Variants in ANKS1A observed in about 807,000 individuals in gnomAD.
ANKS1A encodes ankyrin repeat and SAM domain-containing protein 1A.
In ANKS1A, 55 loss-of-function variants were observed where a neutral mutation model predicts 120.3. That is an observed-to-expected ratio of 0.46 (90% CI 0.37 to 0.57). The LOEUF is 0.57. Among genes scored for constraint, ANKS1A ranks in the 20% least tolerant of loss-of-function variants. The pLI, the probability that ANKS1A is intolerant of heterozygous loss-of-function variation, is 0.00. For synonymous variants in ANKS1A, 590 were observed against 604.7 expected (o/e 0.98, Z 0.36); for missense variants, 1,123 against 1,480.3 (o/e 0.76, Z 3.96).
chr6:35,067,564 A>G (rs1306047598), intron 13 of ANKS1A, among the ~76,000 whole-genome samples: 1 of 152,204 alleles, frequency 6.6e-6, no homozygotes, highest in Non-Finnish European at 1.5e-5. Flanking sequence ...GTGTTGATAA[A>G]TACAGTGAAA....
At chr6:34,905,007 C>T (rs1019881611) in intron 1 of ANKS1A, among the ~76,000 whole-genome samples, 6 of 152,174 alleles carry the variant, frequency 3.9e-5, no homozygotes, top group South Asian at 4.1e-4. Flanking sequence ...CACAGGGTTT[C>T]GCCATGTTGG....
At chr6:34,902,236 T>A (rs1767383300) in intron 1 of ANKS1A, among the ~76,000 whole-genome samples, 1 of 152,098 alleles carries the variant, frequency 6.6e-6, no homozygotes, top group Non-Finnish European at 1.5e-5. Context: ...GGTTTAAGTT[T>A]TTCTTTTTTG....
At chr6:35,052,870 A>G (rs1776039122) in intron 11 of ANKS1A, among the ~76,000 whole-genome samples, 1 of 152,104 alleles carries the variant, frequency 6.6e-6, no homozygotes, top group South Asian at 2.1e-4. Context: ...AGTTTGCTGC[A>G]GGGGTCAGAT....
rs558274058 is a variant in ANKS1A at position 35,077,184 on chromosome 6, C to T, written c.2185-1374C>T. Among the ~76,000 whole-genome samples, 16 of 152,276 alleles carry T rather than the reference C, an allele frequency of 1.1e-4. No individual in the cohort carries two copies. In the South Asian group the frequency reaches 3.1e-3, roughly 30 times the overall value. ...AAAGAGCTGTCAGTGTTAAGGCACG[C>T]ACCCTTGATTCAAGTAAGCAGAAAC... On this transcript the variant is annotated intron_variant, in intron 13 of 23. Transcript: ENST00000360359.
In ANKS1A at chr6:34,953,933, A is replaced by C. The variant is rs558174470; in HGVS notation, c.198-13306A>C. Among the ~76,000 whole-genome samples, 18 of 152,342 alleles carry C rather than the reference A, an allele frequency of 1.2e-4. No homozygotes were observed. The East Asian group carries it at 2.7e-3, about 23-fold the overall frequency. On this transcript the variant is annotated intron_variant, in intron 1 of 23. Transcript: ENST00000360359. ...TCTGTGCCTTCTTTACAGTTGTGCA[A>C]CAGAAACAATCAATGCTCAAGGGTT...
intron 1 of ANKS1A, among the ~76,000 whole-genome samples, chr6:34,912,119 C>T (rs1023494338): frequency 1.3e-5 from 2 of 152,202 alleles, no homozygotes; most frequent in African/African-American, 4.8e-5. Flanking sequence ...ATCAAACGCT[C>T]ATAATCTGAC....
At chr6:35,022,331 TG>T (rs980796558) in intron 11 of ANKS1A, among the ~76,000 whole-genome samples, 1 of 152,208 alleles carries the variant, frequency 6.6e-6, no homozygotes, top group Non-Finnish European at 1.5e-5. Flanking sequence ...GTTCTCCAGT[TG>T]GGGAACATGT....
At chr6:35,091,502 T>C (rs1260730510), downstream of ANKS1A, 4 of 855,694 alleles carry the variant, frequency 4.7e-6, no homozygotes, top group Middle Eastern at 5.9e-4. Context: ...GGATCAGTGA[T>C]TCGCATCCTA....
chr6:34,991,693 CATATATAT>C (rs1306257301), intron 9 of ANKS1A, among the ~76,000 whole-genome samples: 804 of 29,332 alleles, frequency 0.027, 17 homozygotes, highest in Middle Eastern at 0.048. Flanking sequence ...CATATATACA[CATATATAT>C]ACATATATAC....
In ANKS1A at chr6:35,016,244, A is replaced by G. The variant is rs1186324275; in HGVS notation, c.1424-1229A>G. On this transcript the variant is annotated intron_variant, in intron 10 of 23. Transcript: ENST00000360359. ...GTCTTCTCCTGCACCACCTGGGGTA[A>G]CCACTAAGACTCCTCATCTGTAAAC... is the stretch of plus-strand genomic sequence containing the variant. Among the ~76,000 whole-genome samples, 3 of 152,316 alleles carry G rather than the reference A, an allele frequency of 2.0e-5. No homozygotes were observed. The East Asian group carries it at 5.8e-4, about 29-fold the overall frequency.
chr6:34,942,878 C>T (rs1407521411), intron 1 of ANKS1A, among the ~76,000 whole-genome samples: 1 of 149,624 alleles, frequency 6.7e-6, no homozygotes, highest in African/African-American at 2.5e-5. Context: ...TTTTCTTTTC[C>T]CTTTCCTTTC....
At chr6:35,081,643 G>C (rs1165338596) in intron 17 of ANKS1A, among the ~76,000 whole-genome samples, 1 of 152,202 alleles carries the variant, frequency 6.6e-6, no homozygotes, top group Non-Finnish European at 1.5e-5. Context: ...AGCCAGACCA[G>C]ATTCTGTTCT....
intron 13 of ANKS1A, among the ~76,000 whole-genome samples, chr6:35,071,909 C>G (rs113087151): frequency 7.9e-5 from 12 of 152,198 alleles, no homozygotes; most frequent in Admixed American, 3.3e-4. Flanking sequence ...AGGCCCAGGC[C>G]GGCCCCTCCC....
At chr6:34,996,930 G>A (rs1772885572) in intron 10 of ANKS1A, among the ~76,000 whole-genome samples, 1 of 152,084 alleles carries the variant, frequency 6.6e-6, no homozygotes, top group African/African-American at 2.4e-5. Context: ...ACAATTTGTT[G>A]AAAAAGACCT....
In ANKS1A at chr6:34,982,243, C is replaced by T. The variant is rs1400624443; in HGVS notation, c.732+257C>T. ...GAAAAGATGTGCTTATGGACTGGCTCTCAAAACCAGAAAAGTTTCATTATC... is the reference window on the plus strand; with the variant it reads ...GAAAAGATGTGCTTATGGACTGGCTTTCAAAACCAGAAAAGTTTCATTATC... On this transcript the variant is annotated intron_variant, in intron 4 of 23. Coordinates refer to ENST00000360359, the MANE Select transcript of ANKS1A (RefSeq NM_015245.3). This position sits in a 1 kb window ranked among gnomAD's most constrained non-coding sequence, Gnocchi z 4.9. 6.6e-5 allele frequency among the ~76,000 whole-genome samples: 10 copies of T among 152,178 alleles called. No individual in the cohort carries two copies. The East Asian group carries it at 7.7e-4, about 12-fold the overall frequency.
chr6:35,045,230 A>G, intron 11 of ANKS1A, among the ~76,000 whole-genome samples: 1 of 152,318 alleles, frequency 6.6e-6, no homozygotes. Flanking sequence ...TCCTCATTAG[A>G]GCCCTGCCTT....
At chr6:35,078,855 A>G (rs1456815881) in intron 14 of ANKS1A, among the ~76,000 whole-genome samples, 199 bp downstream of exon 14, 2 of 152,190 alleles carry the variant, frequency 1.3e-5, no homozygotes, top group African/African-American at 4.8e-5. Context: ...AGGCCCTTGG[A>G]GAGTCAGCAG....
At chr6:35,025,273 C>T (rs1774560780) in intron 11 of ANKS1A, among the ~76,000 whole-genome samples, 1 of 151,204 alleles carries the variant, frequency 6.6e-6, no homozygotes, top group South Asian at 2.1e-4. Context: ...CACACACACG[C>T]ATATATGTAT....
intron 1 of ANKS1A, among the ~76,000 whole-genome samples, chr6:34,903,042 C>T (rs1028247573): frequency 6.6e-6 from 1 of 152,124 alleles, no homozygotes. Context: ...TTCACAGTCA[C>T]TTAAAAATAT....
Sources: allele counts gnomAD v4.1 joint callset (sites outside exome capture counted in the v4.1 genomes callset), GRCh38; gene constraint gnomAD v4.1.1; non-coding constraint Gnocchi (gnomAD v3.1); transcripts MANE v1.5; gene names NCBI Gene and HGNC (gene_info 2026-07-23, HGNC 2026-07-21).